CCSER1: variants seen among roughly 807,000 people sequenced by gnomAD.
The protein encoded by CCSER1 is coiled-coil serine rich protein 1, also known as serine-rich coiled-coil domain-containing protein 1.
In CCSER1, 41 loss-of-function variants were observed where a neutral mutation model predicts 82.0. The observed-to-expected ratio is 0.50, with a 90% CI of 0.39 to 0.65. The LOEUF (loss-of-function observed/expected upper bound fraction) is 0.65, where lower values mean the gene tolerates loss of function less well. Ranked by LOEUF, CCSER1 falls within the 30% of genes least tolerant of loss-of-function variation. The pLI, the probability that CCSER1 is intolerant of heterozygous loss-of-function variation, is 0.00. For missense variants in CCSER1, 1,119 were observed against 1,064.2 expected (o/e 1.05, Z -0.72); for synonymous variants, 414 against 383.9 (o/e 1.08, Z -0.92).
At chr4:91,510,928 C>G (rs530493345) in intron 10 of CCSER1, among the ~76,000 whole-genome samples, 1 of 152,170 alleles carries the variant, frequency 6.6e-6, no homozygotes, top group African/African-American at 2.4e-5. Flanking sequence ...ATGGTGTGTT[C>G]TAGGTTTTCT....
chr4:90,719,377 G>A (rs1742275581), intron 6 of CCSER1, among the ~76,000 whole-genome samples: 1 of 152,106 alleles, frequency 6.6e-6, no homozygotes, highest in Non-Finnish European at 1.5e-5. Context: ...ATTATGGTGA[G>A]TTGTATAATT....
At chr4:90,923,937 T>C (rs1239965818) in intron 9 of CCSER1, among the ~76,000 whole-genome samples, 1 of 152,190 alleles carries the variant, frequency 6.6e-6, no homozygotes, top group Non-Finnish European at 1.5e-5. Context: ...ATTGAAAGTA[T>C]TTTTCTGTTA....
intron 10 of CCSER1, among the ~76,000 whole-genome samples, chr4:91,106,294 T>C (rs1725608952): frequency 6.6e-6 from 1 of 152,178 alleles, no homozygotes; most frequent in Non-Finnish European, 1.5e-5. Flanking sequence ...TCAGAAAGTG[T>C]TTGAATAACT....
chr4:90,310,613 C>A (rs1237523621), intron 2 of CCSER1, among the ~76,000 whole-genome samples: 1 of 152,016 alleles, frequency 6.6e-6, no homozygotes, highest in Non-Finnish European at 1.5e-5. Context: ...GGATATAAAT[C>A]CTATGAGGTA....
At chr4:91,113,915 C>G (rs768517140) in intron 10 of CCSER1, among the ~76,000 whole-genome samples, 43 of 151,450 alleles carry the variant, frequency 2.8e-4, no homozygotes, top group South Asian at 2.1e-4. Context: ...TGCAGTGGCG[C>G]GATCTCGGCT....
intron 8 of CCSER1, among the ~76,000 whole-genome samples, chr4:90,889,997 T>C (rs926958033): frequency 6.6e-6 from 1 of 152,190 alleles, no homozygotes; most frequent in Non-Finnish European, 1.5e-5. Flanking sequence ...TATTTTCTTT[T>C]ATGCTCAATA....
intron 10 of CCSER1, among the ~76,000 whole-genome samples, chr4:91,383,956 G>A (rs1751104629): frequency 6.6e-6 from 1 of 152,058 alleles, no homozygotes; most frequent in Non-Finnish European, 1.5e-5. Flanking sequence ...TCCCAACACT[G>A]CTGTTGGAAG....
intron 8 of CCSER1, among the ~76,000 whole-genome samples, chr4:90,904,773 C>A (rs1453005713): frequency 2.6e-5 from 4 of 152,120 alleles, no homozygotes; most frequent in African/African-American, 9.7e-5. Flanking sequence ...GTATTTATAG[C>A]TTTCATCAGC....
chr4:91,453,595 G>T (rs1404156922), intron 10 of CCSER1, among the ~76,000 whole-genome samples: 2 of 152,004 alleles, frequency 1.3e-5, no homozygotes, highest in Non-Finnish European at 2.9e-5. Flanking sequence ...AATCAATGAT[G>T]TGTACTGAGT....
chr4:90,974,867 T>G (rs762940981), intron 9 of CCSER1, among the ~76,000 whole-genome samples: 2 of 151,404 alleles, frequency 1.3e-5, no homozygotes, highest in South Asian at 4.1e-4. Context: ...CACACTTCAG[T>G]GTATACCCAA....
chr4:90,483,643 G>C (rs149330009), intron 5 of CCSER1, among the ~76,000 whole-genome samples: 9 of 152,226 alleles, frequency 5.9e-5, no homozygotes, highest in African/African-American at 2.2e-4. Context: ...GCTTAGTTTG[G>C]CTGGATATGA....
intron 9 of CCSER1, among the ~76,000 whole-genome samples, chr4:90,977,108 T>C (rs1735679973): frequency 6.6e-6 from 1 of 151,552 alleles, no homozygotes; most frequent in Non-Finnish European, 1.5e-5. Context: ...CTTCTTCATA[T>C]TTGGAATAAA....
At chr4:90,493,509 G>A (rs920929033) in intron 5 of CCSER1, among the ~76,000 whole-genome samples, 3 of 152,204 alleles carry the variant, frequency 2.0e-5, no homozygotes, top group Admixed American at 6.5e-5. Context: ...AGGGCAGCCA[G>A]AGAGAAAGGT....
At chr4:90,587,890 C>T (rs1403290513) in intron 5 of CCSER1, among the ~76,000 whole-genome samples, 3 of 152,168 alleles carry the variant, frequency 2.0e-5, no homozygotes, top group Admixed American at 2.0e-4. Flanking sequence ...CAGTTCCAGA[C>T]CACCATAATC....
chr4:91,338,250 A>C (rs1169317532), intron 10 of CCSER1, among the ~76,000 whole-genome samples: 1 of 152,164 alleles, frequency 6.6e-6, no homozygotes, highest in Non-Finnish European at 1.5e-5. Flanking sequence ...CTGAGAATAT[A>C]AAAGTGGTTA....
At chr4:91,473,681 G>A (rs190499563) in intron 10 of CCSER1, among the ~76,000 whole-genome samples, 2 of 152,226 alleles carry the variant, frequency 1.3e-5, no homozygotes, top group African/African-American at 4.8e-5. Flanking sequence ...AATTAAAAGA[G>A]TGTTGAAGAG....
At chr4:91,564,913 T>C (rs559247323) in intron 10 of CCSER1, among the ~76,000 whole-genome samples, 1 of 152,072 alleles carries the variant, frequency 6.6e-6, no homozygotes, top group Non-Finnish European at 1.5e-5. Flanking sequence ...ATTTTTGGTA[T>C]GTTTATCATA....
chr4:90,771,012 T>C (rs1015352637), intron 7 of CCSER1, among the ~76,000 whole-genome samples: 7 of 152,152 alleles, frequency 4.6e-5, no homozygotes, highest in African/African-American at 1.7e-4. Context: ...AGTTTTTTAA[T>C]CATTCAGGAA....
At chr4:91,175,402 C>A (rs1052979269) in intron 10 of CCSER1, among the ~76,000 whole-genome samples, 26 of 152,144 alleles carry the variant, frequency 1.7e-4, no homozygotes, top group African/African-American at 5.8e-4. Context: ...CGCCACACTG[C>A]CTTCCACAAT....
Sources: gnomAD v4.1 joint callset for allele counts (sites outside exome capture counted in the v4.1 genomes callset) on GRCh38, gnomAD v4.1.1 for gene constraint, MANE v1.5 for transcripts, NCBI Gene and HGNC (gene_info 2026-07-23, HGNC 2026-07-21) for gene names.